The following FBXL19 variants were observed in gnomAD, a reference collection of about 807,000 sequenced individuals.
FBXL19 encodes the protein F-box/LRR-repeat protein 19.
A neutral mutation model predicts 71.2 loss-of-function variants in FBXL19; 16 were observed. The ratio of observed to expected loss-of-function variants is 0.22; its 90% CI spans 0.15 to 0.34. The LOEUF (loss-of-function observed/expected upper bound fraction) is 0.34, where lower values mean the gene tolerates loss of function less well. Among genes scored for constraint, FBXL19 ranks in the 10% least tolerant of loss-of-function variants. FBXL19 has a pLI of 1.00. For missense variants in FBXL19, 658 were observed against 968.2 expected, an observed-to-expected ratio of 0.68 and a Z score of 4.25; for synonymous variants, 447 against 409.4, an observed-to-expected ratio of 1.09 and a Z score of -1.11.
rs1226526202 is a variant in FBXL19 at position 30,942,087 on chromosome 16, G to A, written c.1302-29G>A. ...TGGGCTGCTGAGAGCTGAGGGCTGAGGTCTCTGTCTCCCCCCTATGGCCGC... is the reference window on the plus strand; with the variant it reads ...TGGGCTGCTGAGAGCTGAGGGCTGAAGTCTCTGTCTCCCCCCTATGGCCGC... On this transcript the variant is annotated intron_variant, in intron 7 of 10. Transcript: ENST00000338343. This position sits in a 1 kb window ranked among gnomAD's most constrained non-coding sequence, Gnocchi z 5.7. The A allele has an allele frequency of 6.6e-7, 1 of 1,522,768 alleles. No individual in the cohort carries two copies. Among genetic ancestry groups the A allele is most frequent in the African/African-American group, 1.4e-5 (1 of 72,708 alleles). The allele number at this position is 1,522,768 out of a possible 1,614,324, so 94.3% of individuals were successfully genotyped here. A position where few individuals can be genotyped will look rare whatever the true frequency, so the allele number is the denominator to read the frequency against.
chr16:30,937,284 T>C (rs1258176741), intron 7 of FBXL19, among the ~76,000 whole-genome samples: 1 of 152,032 alleles, frequency 6.6e-6, no homozygotes, highest in African/African-American at 2.4e-5. Context: ...ACACAGGTTC[T>C]TGCCCATCTG....
intron 7 of FBXL19, among the ~76,000 whole-genome samples, chr16:30,931,261 ACAGCACT>A (rs1452573512): frequency 6.6e-6 from 1 of 151,898 alleles, no homozygotes; most frequent in Non-Finnish European, 1.5e-5. Context: ...TGAAACTCCC[ACAGCACT>A]CTGTTCCCCT....
At position 30,930,017 on chromosome 16, in the gene FBXL19, G is replaced by C. The variant is rs2055650870; in HGVS notation, c.790-56G>C. The C allele has an allele frequency of 6.4e-7, 1 of 1,563,832 alleles. No homozygotes were observed. The highest frequency in any genetic ancestry group is 8.7e-7 in the Non-Finnish European group (1 of 1,153,262). ...TCCCCTGGTGACTCCTCGGGGTAGG[G>C]GGGTGGGAAAATGTATCCCAGGCCC... On this transcript the variant is annotated intron_variant, in intron 6 of 10. Transcript: ENST00000338343. The surrounding 1 kb of genome is among the most constrained non-coding windows in gnomAD (Gnocchi z 8.5).
At chr16:30,924,631 C>T in intron 1 of FBXL19, 172 bp downstream of exon 1, 7 of 1,381,326 alleles carry the variant, frequency 5.1e-6, no homozygotes, top group Non-Finnish European at 6.5e-6. Context: ...ACTGGCCCTC[C>T]TTCCTAGACC....
Position 30,930,686 on chromosome 16 carries a change from T to A in FBXL19, c.1301+102T>A. On this transcript the variant is annotated intron_variant, in intron 7 of 10. Coordinates refer to ENST00000338343, the MANE Select transcript of FBXL19 (RefSeq NM_001382779.1). This position sits in a 1 kb window ranked among gnomAD's most constrained non-coding sequence, Gnocchi z 8.5. ...GCCCTCTCTGGGCCTTGCTTTTATA[T>A]TGGGGATACTTCTCTAGTATGCACA... The A allele has an allele frequency of 8.1e-7, 1 of 1,241,746 alleles. No homozygotes were observed. Among genetic ancestry groups the A allele is most frequent in the Non-Finnish European group, 1.1e-6 (1 of 949,762 alleles). The allele number at this position is 1,241,746 out of a possible 1,614,324, so 76.9% of individuals were successfully genotyped here. A position where few individuals can be genotyped will look rare whatever the true frequency, so the allele number is the denominator to read the frequency against.
rs1481697450 is a variant in FBXL19 at position 30,947,093 on chromosome 16, C to T, written c.1888C>T (p.Arg630Cys). 6.3e-7 allele frequency: 1 copy of T among 1,597,932 alleles called. No individual in the cohort carries two copies. Among genetic ancestry groups the T allele is most frequent in the Non-Finnish European group, 8.5e-7 (1 of 1,177,218 alleles). Residue 630 changes from arginine (R) to cysteine (C), a missense_variant, in exon 11 of 11, where the codon CGC (arginine) becomes TGC (cysteine). Physicochemically the swap from Arg to Cys is radical, Grantham distance 180 (BLOSUM62 -3). Transcript: ENST00000338343. The stretch of plus-strand genomic sequence containing the variant: ...GGACCACTGCCTCCCGCTGTTCCGC[C>T]GCTGCCCTCGTCTACGCCGCCTAGA... ...LTDHCLPLFR[R>C]CPRLRRLDLR...
Position 30,942,210 on chromosome 16 carries a change from C to A in FBXL19, c.1396C>A (p.Arg466Ser). Reference sequence around the variant, plus strand: ...CAGTGGTGTGGTTCGCCGCCAGCCCCGTGCCCTGGACCTCAGCTGGACAGG... The same window carrying A: ...CAGTGGTGTGGTTCGCCGCCAGCCCAGTGCCCTGGACCTCAGCTGGACAGG... Reference protein sequence around the residue: ...MLSGVVRRQPRALDLSWTGVS... With the variant: ...MLSGVVRRQPSALDLSWTGVS... The change falls in exon 8 of 11, where the codon CGT becomes AGT. Residue 466 changes from arginine to serine, a missense_variant. Transcript: ENST00000338343. This position sits in a 1 kb window ranked among gnomAD's most constrained non-coding sequence, Gnocchi z 5.7. 1 of 1,592,630 alleles carries A rather than the reference C, an allele frequency of 6.3e-7. No homozygotes were observed. Among genetic ancestry groups the A allele is most frequent in the East Asian group, 2.3e-5 (1 of 43,656 alleles).
chr16:30,927,395 T>G lies in FBXL19; in HGVS notation c.265T>G (p.Leu89Val). ...GGAGGGAGAGGAAGAGAAATTTGGT[T>G]TGAGCCTCATGGAGTGTACAATCTG... The part of the protein sequence containing the change: ...TVEGEEEKFG[L>V]SLMECTICNE... Residue 89 changes from leucine (L) to valine (V), a missense_variant, in exon 3 of 11, where the codon TTG (leucine) becomes GTG (valine). Leu to Val is a conservative substitution (Grantham distance 32). This residue lies in a region of FBXL19 where 447 missense variants were observed against 515.4 expected (regional missense o/e 0.87). Coordinates refer to ENST00000338343, the MANE Select transcript of FBXL19 (RefSeq NM_001382779.1). The G allele has an allele frequency of 6.3e-7, 1 of 1,593,304 alleles. No homozygotes were observed. The highest frequency in any genetic ancestry group is 8.5e-7 in the Non-Finnish European group (1 of 1,169,798).
At position 30,948,206 on chromosome 16, in the gene FBXL19, G is replaced by A. The variant is rs1432578527; in HGVS notation, c.*976G>A. ...CACCCGCCGGACCCGCATTATGGCT[G>A]GGGGCGCCAGCCCAAGAATGGGGAC... is the stretch of plus-strand genomic sequence containing the variant. On this transcript the variant is annotated 3_prime_UTR_variant, in exon 11 of 11. Transcript: ENST00000338343. 2 of 158,732 alleles carry A rather than the reference G, an allele frequency of 1.3e-5. No individual in the cohort carries two copies. The highest frequency in any genetic ancestry group is 2.8e-5 in the Non-Finnish European group (2 of 71,662). 9.8% of individuals were successfully genotyped at this position (158,732 alleles called of 1,614,324 possible). A position where few individuals can be genotyped will look rare whatever the true frequency, so the allele number is the denominator to read the frequency against.
intron 7 of FBXL19, among the ~76,000 whole-genome samples, chr16:30,931,500 T>C (rs1596652061): frequency 6.6e-6 from 1 of 152,168 alleles, no homozygotes. Flanking sequence ...CCAGGCTCCC[T>C]GTTGGGCACT....
intron 7 of FBXL19, among the ~76,000 whole-genome samples, chr16:30,936,661 T>C (rs1445857171): frequency 6.7e-6 from 1 of 148,186 alleles, no homozygotes; most frequent in Non-Finnish European, 1.5e-5. Flanking sequence ...TTAGCCAGGA[T>C]GGTCTCGACC....
In FBXL19 at chr16:30,927,611, C is replaced by T. The variant is rs2055607705; in HGVS notation, c.360C>T (p.Pro120=). Reference sequence around the variant, plus strand: ...AGGGTGTCATCAATGCAGAGATCCCCAACTGCTGGGAGTGCCCTCGCTGCA... The same window carrying T: ...AGGGTGTCATCAATGCAGAGATCCCTAACTGCTGGGAGTGCCCTCGCTGCA... ...KAEGVINAEI[P]NCWECPRCTQ... Residue 120 remains proline (P), a synonymous_variant, in exon 4 of 11, where the codon CCC becomes CCT. Coordinates refer to ENST00000338343, the MANE Select transcript of FBXL19 (RefSeq NM_001382779.1). The T allele has an allele frequency of 5.1e-6, 8 of 1,563,622 alleles. No homozygotes were observed. The highest frequency in any genetic ancestry group is 6.9e-6 in the Non-Finnish European group (8 of 1,154,080).
At position 30,927,297 on chromosome 16, in the gene FBXL19, TC is replaced by T; in HGVS notation, c.178-6del. The stretch of plus-strand genomic sequence containing the variant: ...CTTTCGGGGCCCCTGATGTCCCCTC[TC>T]CCCCAACAGCCCGTGCTCCCACACA... On this transcript the variant is annotated splice_polypyrimidine_tract_variant and intron_variant, in intron 2 of 10. Transcript: ENST00000338343. The T allele has an allele frequency of 6.5e-7, 1 of 1,546,868 alleles. No individual in the cohort carries two copies. The highest frequency in any genetic ancestry group is 8.7e-7 in the Non-Finnish European group (1 of 1,145,748).
chr16:30,923,558 G>A (rs1398742702), upstream of FBXL19, among the ~76,000 whole-genome samples: 1 of 144,274 alleles, frequency 6.9e-6, no homozygotes, highest in Non-Finnish European at 1.5e-5. Flanking sequence ...AGGAGGGAGG[G>A]GAGGGGAGGG....
intron 7 of FBXL19, among the ~76,000 whole-genome samples, chr16:30,941,399 G>C (rs2055800822): frequency 6.6e-6 from 1 of 152,162 alleles, no homozygotes; most frequent in Non-Finnish European, 1.5e-5. Context: ...AGGATTGCTT[G>C]AGCCCAGTAG....
intron 6 of FBXL19, among the ~76,000 whole-genome samples, chr16:30,929,116 T>G (rs1212459446): frequency 1.3e-5 from 2 of 152,210 alleles, no homozygotes; most frequent in Non-Finnish European, 2.9e-5. Context: ...GTTTGAAGAC[T>G]TGTCCAAGTC....
At chr16:30,932,327 A>G (rs2055684313) in intron 7 of FBXL19, among the ~76,000 whole-genome samples, 1 of 152,214 alleles carries the variant, frequency 6.6e-6, no homozygotes. Flanking sequence ...ATAGAAGCAG[A>G]TAGTTACAGA....
At chr16:30,933,880 G>A (rs1307760144) in intron 7 of FBXL19, among the ~76,000 whole-genome samples, 1 of 151,928 alleles carries the variant, frequency 6.6e-6, no homozygotes, top group Admixed American at 6.6e-5. Context: ...AGCCTCCCGA[G>A]TAGCTGGGAT....
At chr16:30,937,165 C>A (rs1297298504) in intron 7 of FBXL19, among the ~76,000 whole-genome samples, 2 of 152,034 alleles carry the variant, frequency 1.3e-5, no homozygotes, top group African/African-American at 4.8e-5. Flanking sequence ...TGGATGATGG[C>A]TGGTTAGTAG....
Sources: gnomAD v4.1 joint callset for allele counts (sites outside exome capture counted in the v4.1 genomes callset) on GRCh38, gnomAD v4.1.1 for gene constraint, gnomAD v4.1.1 regional missense constraint, Gnocchi (gnomAD v3.1) non-coding constraint, MANE v1.5 for transcripts, NCBI Gene and HGNC (gene_info 2026-07-23, HGNC 2026-07-21) for gene names.